The following PACC1 variants were observed in gnomAD, a reference collection of about 807,000 sequenced individuals.
PACC1 encodes proton activated chloride channel 1, also known as proton-activated chloride channel.
PACC1 carries 34 observed loss-of-function variants against 39.7 expected under a neutral mutation model. The ratio of observed to expected loss-of-function variants is 0.86; its 90% CI spans 0.65 to 1.14. The LOEUF is 1.14. Ranked by LOEUF, PACC1 falls within the 50% of genes most tolerant of loss-of-function variation. The pLI is 0.00. For synonymous variants in PACC1, 127 were observed against 160.6 expected, an observed-to-expected ratio of 0.79 and a Z score of 1.58; for missense variants, 379 against 436.4, an observed-to-expected ratio of 0.87 and a Z score of 1.17.
At chr1:212,394,910 C>T (rs1306253789) in intron 2 of PACC1, among the ~76,000 whole-genome samples, 2 of 152,026 alleles carry the variant, frequency 1.3e-5, no homozygotes, top group African/African-American at 4.8e-5. Context: ...AGGAGAACTA[C>T]AAACCACTGC....
At chr1:212,413,590 G>A (rs1662214102) in intron 1 of PACC1, among the ~76,000 whole-genome samples, 1 of 152,222 alleles carries the variant, frequency 6.6e-6, no homozygotes, top group Non-Finnish European at 1.5e-5. Flanking sequence ...CACACGCACA[G>A]AGGCAGGAGC....
At chr1:212,398,593 T>C (rs1661603130) in intron 2 of PACC1, among the ~76,000 whole-genome samples, 1 of 152,244 alleles carries the variant, frequency 6.6e-6, no homozygotes, top group Admixed American at 6.5e-5. Context: ...AATGGGTAGC[T>C]GAGAGCTAAG....
chr1:212,375,924 T>A (rs566771894), intron 6 of PACC1, among the ~76,000 whole-genome samples: 7 of 152,290 alleles, frequency 4.6e-5, no homozygotes, highest in African/African-American at 1.7e-4. Context: ...ATATTCAAAC[T>A]ACCATGTAAG....
Position 212,410,459 on chromosome 1 carries a change from C to T in PACC1, c.99G>A (p.Glu33=), listed in dbSNP as rs766636636. The change falls in exon 2 of 8, where the codon GAG becomes GAA. Residue 33 remains glutamate (E), a synonymous_variant. Transcript: ENST00000261455. ...NSELADEQDK[E]TVRVQGPGIL... ...TACCCGGACCTTGGACTCTGACCGT[C>T]TCCTTGTCCTGCTCGTCTGCCAGCT... is the stretch of plus-strand genomic sequence containing the variant. 6.2e-7 allele frequency: 1 copy of T among 1,614,228 alleles called. No individual in the cohort carries two copies. Among genetic ancestry groups the T allele is most frequent in the East Asian group, 2.2e-5 (1 of 44,888 alleles).
Position 212,375,254 on chromosome 1 carries a change from C to CT in PACC1, c.829dup (p.Ser277LysfsTer10), listed in dbSNP as rs201675213. On this transcript the variant is annotated frameshift_variant, in exon 7 of 8. Transcript: ENST00000261455. LOFTEE classifies it high-confidence loss of function. ...AAAGACCACAAAAAACAATTGAGCA[C>CT]TTTTTTTGGCAGCTGGCCTCTGGTC... 1.5e-4 allele frequency: 237 copies of CT among 1,613,902 alleles called. No homozygotes were observed. The highest frequency in any genetic ancestry group is 1.3e-3 in the Middle Eastern group (8 of 6,062).
intron 2 of PACC1, among the ~76,000 whole-genome samples, chr1:212,409,433 AAAC>A (rs1662043207): frequency 6.6e-6 from 1 of 152,160 alleles, no homozygotes; most frequent in Non-Finnish European, 1.5e-5. Context: ...CAGAGAAATA[AAAC>A]AACAAAAAGG....
chr1:212,366,264 T>G (rs1660239016), intron 7 of PACC1, among the ~76,000 whole-genome samples: 1 of 151,950 alleles, frequency 6.6e-6, no homozygotes, highest in African/African-American at 2.4e-5. Context: ...AGAGTTCTTA[T>G]CTTGGATTTC....
intron 6 of PACC1, among the ~76,000 whole-genome samples, chr1:212,375,563 T>C (rs573410658): frequency 8.3e-4 from 126 of 152,280 alleles, no homozygotes; most frequent in African/African-American, 3.0e-3. Flanking sequence ...TCACTGAAAT[T>C]TGTCACTAGG....
intron 2 of PACC1, among the ~76,000 whole-genome samples, chr1:212,394,632 G>C (rs557162530): frequency 2.0e-5 from 3 of 152,310 alleles, no homozygotes; most frequent in African/African-American, 7.2e-5. Flanking sequence ...ATGAGGAAAA[G>C]AGGAAGTCAA....
intron 2 of PACC1, among the ~76,000 whole-genome samples, chr1:212,405,253 T>G (rs963314344): frequency 2.6e-5 from 4 of 152,202 alleles, no homozygotes; most frequent in African/African-American, 9.6e-5. Flanking sequence ...GTACTCATAC[T>G]TCTATGGAGT....
chr1:212,410,676 C>T (rs1430587721), intron 1 of PACC1, among the ~76,000 whole-genome samples, 155 bp from the exon 2 acceptor site: 3 of 152,206 alleles, frequency 2.0e-5, no homozygotes, highest in African/African-American at 4.8e-5. Context: ...ATGAGGACAC[C>T]GAAGCTCAGA....
At chr1:212,365,945 A>T (rs1389694198) in intron 7 of PACC1, among the ~76,000 whole-genome samples, 2 of 152,168 alleles carry the variant, frequency 1.3e-5, no homozygotes, top group Non-Finnish European at 2.9e-5. Flanking sequence ...CATAGTTACC[A>T]TAGTTTCAAG....
intron 5 of PACC1, among the ~76,000 whole-genome samples, chr1:212,378,192 C>A (rs1660736772): frequency 1.3e-5 from 2 of 152,214 alleles, no homozygotes; most frequent in East Asian, 3.8e-4. Flanking sequence ...AGATGGGTCA[C>A]CTACAGCATC....
chr1:212,414,880 C>A lies in PACC1; in HGVS notation c.-123G>T. On this transcript the variant is annotated 5_prime_UTR_variant, in exon 1 of 8. Transcript: ENST00000261455. ...AGGCGAAACCGGTCCGGAGGGGCGT[C>A]CCAGAGACCAGGCGTGGCGATACTC... is the stretch of plus-strand genomic sequence containing the variant. 7.7e-7 allele frequency: 1 copy of A among 1,306,284 alleles called. No individual in the cohort carries two copies. The highest frequency in any genetic ancestry group is 1.1e-6 in the Non-Finnish European group (1 of 938,192). 80.9% of individuals were successfully genotyped at this position (1,306,284 alleles called of 1,614,324 possible). A position where few individuals can be genotyped will look rare whatever the true frequency, so the allele number is the denominator to read the frequency against.
rs965352436 is a variant in PACC1, at chr1:212,378,214, G to A, written c.639-508C>T. 5.3e-5 allele frequency among the ~76,000 whole-genome samples: 8 copies of A among 152,304 alleles called. No individual in the cohort carries two copies. The East Asian group carries it at 7.7e-4, about 15-fold the overall frequency. On this transcript the variant is annotated intron_variant, in intron 5 of 7. Transcript: ENST00000261455. ...TCACCTACAGCATCAGCCCCAAGAC[G>A]GTGCAGATGCAGCAAAATCAAAGCG...
rs968219632 is a variant in PACC1 at position 212,394,997 on chromosome 1, C to A, written c.134-7897G>T. On this transcript the variant is annotated intron_variant, in intron 2 of 7. Coordinates refer to ENST00000261455, the MANE Select transcript of PACC1 (RefSeq NM_018252.3). ...GGATAGGAAGAATCAATATCATGAA[C>A]ATGGCCATACTGCCCAAGGTAATTT... Among the ~76,000 whole-genome samples the A allele has an allele frequency of 2.4e-3, 361 of 152,154 alleles. 1 individual carries two copies. The highest frequency in any genetic ancestry group is 8.2e-3 in the African/African-American group (341 of 41,512).
intron 2 of PACC1, among the ~76,000 whole-genome samples, chr1:212,407,421 A>C (rs1437573700): frequency 6.6e-6 from 1 of 152,246 alleles, no homozygotes; most frequent in African/African-American, 2.4e-5. Flanking sequence ...CCTGACCTCC[A>C]GAACTATAAG....
At chr1:212,396,796 ATATCTATCTATCTATC>A (rs56926217) in intron 2 of PACC1, among the ~76,000 whole-genome samples, 4,087 of 146,824 alleles carry the variant, frequency 0.028, 70 homozygotes, top group African/African-American at 0.051. Context: ...AGGGAAAAAA[ATATCTATCTATCTATC>A]TATCTATCTA....
Position 212,379,839 on chromosome 1 carries a change from A to C in PACC1, c.638+56T>G, listed in dbSNP as rs1660808939. The C allele has an allele frequency of 5.6e-6, 9 of 1,605,564 alleles. No individual in the cohort carries two copies. The East Asian group carries it at 2.0e-4, about 36-fold the overall frequency. On this transcript the variant is annotated intron_variant, in intron 5 of 7. Coordinates refer to ENST00000261455, the MANE Select transcript of PACC1 (RefSeq NM_018252.3). ...CCGTCTCTAGCCTTGGGACATACAC[A>C]GCTGGAATAAGATAAAAAGTAGACA...
Sources: gnomAD v4.1 joint callset for allele counts (sites outside exome capture counted in the v4.1 genomes callset) on GRCh38, gnomAD v4.1.1 for gene constraint, MANE v1.5 for transcripts, NCBI Gene and HGNC (gene_info 2026-07-23, HGNC 2026-07-21) for gene names.